TMEM163: variants seen among roughly 807,000 people sequenced by gnomAD.
TMEM163 encodes transmembrane protein 163.
Under a neutral mutation model 29.3 loss-of-function variants are expected in TMEM163, and 17 were observed. That is an observed-to-expected ratio of 0.58 (90% CI 0.40 to 0.87). The LOEUF is 0.87. TMEM163 is among the 40% of genes least tolerant of loss of function. The pLI is 0.00. For synonymous variants in TMEM163, 157 were observed against 160.6 expected (o/e 0.98, Z 0.17); for missense variants, 303 against 381.5 (o/e 0.79, Z 1.71).
At chr2:134,706,526 G>A (rs951772866) in intron 2 of TMEM163, among the ~76,000 whole-genome samples, 3 of 152,168 alleles carry the variant, frequency 2.0e-5, no homozygotes, top group Admixed American at 6.5e-5. Flanking sequence ...ATGGGTTCCC[G>A]TGGGGCTATG....
chr2:134,615,108 C>T (rs1287430830), intron 2 of TMEM163, among the ~76,000 whole-genome samples: 1 of 152,020 alleles, frequency 6.6e-6, no homozygotes, highest in Admixed American at 6.6e-5. Context: ...TCAAAAAGCT[C>T]ATGGAAGATT....
chr2:134,559,050 C>A (rs1558945018), intron 2 of TMEM163, among the ~76,000 whole-genome samples: 1 of 152,202 alleles, frequency 6.6e-6, no homozygotes, highest in Non-Finnish European at 1.5e-5. Flanking sequence ...TGCTGCCTAA[C>A]AAGAAAACAT....
chr2:134,695,108 G>A (rs1039855873), intron 2 of TMEM163, among the ~76,000 whole-genome samples: 1 of 152,098 alleles, frequency 6.6e-6, no homozygotes, highest in Non-Finnish European at 1.5e-5. Context: ...ACGGAGTCTC[G>A]CTCTGTCACC....
intron 2 of TMEM163, among the ~76,000 whole-genome samples, chr2:134,672,615 G>T: frequency 6.6e-6 from 1 of 152,012 alleles, no homozygotes; most frequent in Middle Eastern, 3.4e-3. Context: ...GGACTAAAGC[G>T]ATCCTCCCAC....
chr2:134,607,856 G>A (rs1682408934), intron 2 of TMEM163, among the ~76,000 whole-genome samples: 1 of 39,514 alleles, frequency 2.5e-5, no homozygotes, highest in Non-Finnish European at 4.2e-5. Flanking sequence ...GAACTGTGCT[G>A]ATGAAAAGGA....
chr2:134,597,912 A>G (rs1445576606), intron 2 of TMEM163, among the ~76,000 whole-genome samples: 1 of 152,144 alleles, frequency 6.6e-6, no homozygotes, highest in Admixed American at 6.5e-5. Context: ...TGAGGTATTT[A>G]TAGTATTCTC....
chr2:134,515,296 G>A (rs2106492613), intron 4 of TMEM163, among the ~76,000 whole-genome samples: 1 of 152,060 alleles, frequency 6.6e-6, no homozygotes. Flanking sequence ...TCTCACACGG[G>A]GTCTGAAGCA....
intron 2 of TMEM163, among the ~76,000 whole-genome samples, chr2:134,612,820 T>A (rs895237036): frequency 9.9e-5 from 15 of 152,154 alleles, no homozygotes; most frequent in Non-Finnish European, 2.2e-4. Flanking sequence ...GTTGCCACAT[T>A]ATATTATTTT....
intron 5 of TMEM163, among the ~76,000 whole-genome samples, chr2:134,482,824 A>G (rs1558918053): frequency 6.6e-6 from 1 of 152,078 alleles, no homozygotes. Flanking sequence ...GAGGGTCAAG[A>G]GTTGATGTTT....
chr2:134,542,659 A>C (rs558633219), intron 4 of TMEM163, among the ~76,000 whole-genome samples: 1 of 151,970 alleles, frequency 6.6e-6, no homozygotes, highest in East Asian at 1.9e-4. Context: ...ACCCAACCCC[A>C]GTCCGCGGAA....
chr2:134,626,396 T>C (rs958486751), intron 2 of TMEM163, among the ~76,000 whole-genome samples: 13 of 151,974 alleles, frequency 8.6e-5, no homozygotes, highest in African/African-American at 3.1e-4. Flanking sequence ...TGAGCCACCA[T>C]GCCCAGCCTC....
intron 2 of TMEM163, among the ~76,000 whole-genome samples, chr2:134,670,407 A>T (rs1574326727): frequency 6.6e-6 from 1 of 152,122 alleles, no homozygotes; most frequent in African/African-American, 2.4e-5. Flanking sequence ...CAAAGGGCAG[A>T]CCCCACGTGG....
intron 2 of TMEM163, among the ~76,000 whole-genome samples, chr2:134,633,710 C>T (rs1668879401): frequency 6.6e-6 from 1 of 151,900 alleles, no homozygotes; most frequent in Admixed American, 6.6e-5. Flanking sequence ...ACCTGTAATC[C>T]CAGCACTTTG....
intron 2 of TMEM163, among the ~76,000 whole-genome samples, chr2:134,664,768 G>A (rs1683835425): frequency 6.6e-6 from 1 of 152,218 alleles, no homozygotes; most frequent in African/African-American, 2.4e-5. Flanking sequence ...GCAACTTGCA[G>A]AAGGAACAAA....
intron 5 of TMEM163, among the ~76,000 whole-genome samples, chr2:134,479,545 G>A (rs1021405537): frequency 2.6e-5 from 4 of 151,904 alleles, no homozygotes; most frequent in African/African-American, 9.7e-5. Flanking sequence ...ACAAGTTGTG[G>A]AAACACACAT....
At chr2:134,615,471 AAAG>A (rs1476387534) in intron 2 of TMEM163, among the ~76,000 whole-genome samples, 1 of 152,204 alleles carries the variant, frequency 6.6e-6, no homozygotes, top group African/African-American at 2.4e-5. Context: ...ATCAATTTGC[AAAG>A]AAGTAGTTAA....
chr2:134,637,523 TA>T (rs1450849589), intron 2 of TMEM163, among the ~76,000 whole-genome samples: 1 of 152,198 alleles, frequency 6.6e-6, no homozygotes, highest in Non-Finnish European at 1.5e-5. Flanking sequence ...TATTGTAAAA[TA>T]AAAATTCATC....
chr2:134,456,878 A>G, intron 7 of TMEM163, 102 bp from the exon 8 acceptor site: 1 of 1,235,982 alleles, frequency 8.1e-7, no homozygotes, highest in Non-Finnish European at 1.1e-6. Context: ...TTCACATACC[A>G]TAAAATTCAC....
At chr2:134,686,123 G>A (rs1176702642) in intron 2 of TMEM163, among the ~76,000 whole-genome samples, 3 of 152,158 alleles carry the variant, frequency 2.0e-5, no homozygotes, top group Admixed American at 2.0e-4. Flanking sequence ...ATCAAAAAAG[G>A]ACAAACCTTC....
Sources: allele counts gnomAD v4.1 joint callset (sites outside exome capture counted in the v4.1 genomes callset), GRCh38; gene constraint gnomAD v4.1.1; transcripts MANE v1.5; gene names NCBI Gene and HGNC (gene_info 2026-07-23, HGNC 2026-07-21).